Variants in GRIN2A observed in about 807,000 individuals in gnomAD.
The protein encoded by GRIN2A is glutamate receptor ionotropic, NMDA 2A.
In GRIN2A, 22 loss-of-function variants were observed where a neutral mutation model predicts 113.4. That is an observed-to-expected ratio of 0.19 (90% CI 0.14 to 0.28). GRIN2A has a LOEUF of 0.28. Among genes scored for constraint, GRIN2A ranks in the 10% least tolerant of loss-of-function variants. The probability of loss-of-function intolerance (pLI) is 1.00; values close to 1 mark genes in which losing one functional copy is unlikely to be tolerated. For missense variants in GRIN2A, 1,502 were observed against 1,887.0 expected, an observed-to-expected ratio of 0.80 and a Z score of 3.78; for synonymous variants, 827 against 738.4, an observed-to-expected ratio of 1.12 and a Z score of -1.94.
In GRIN2A at chr16:9,869,126, C is replaced by T. The variant is rs557915800; in HGVS notation, c.1123-19165G>A. On this transcript the variant is annotated intron_variant, in intron 4 of 12. Transcript: ENST00000330684. ...CCCAGGGCTGCTTACATAATAGATG[C>T]ACAAATACCTATGAAATGAACAAGT... 9.2e-5 allele frequency among the ~76,000 whole-genome samples: 14 copies of T among 152,214 alleles called. No homozygotes were observed. In the South Asian group the frequency reaches 2.9e-3, roughly 32 times the overall value.
chr16:9,824,257 C>G (rs571914111), intron 9 of GRIN2A, among the ~76,000 whole-genome samples: 1 of 152,188 alleles, frequency 6.6e-6, no homozygotes, highest in African/African-American at 2.4e-5. Context: ...TGTATGTGAA[C>G]AGCAAAATGC....
At chr16:10,127,514 C>A (rs967570970) in intron 2 of GRIN2A, among the ~76,000 whole-genome samples, 4 of 152,170 alleles carry the variant, frequency 2.6e-5, no homozygotes, top group Non-Finnish European at 2.9e-5. Context: ...AGCAACTGTG[C>A]CAGGCACCCT....
chr16:9,834,290 C>G (rs764086566), intron 7 of GRIN2A, 60 bp from the exon 8 acceptor site: 35 of 1,553,890 alleles, frequency 2.3e-5, no homozygotes, highest in Non-Finnish European at 2.9e-5. Flanking sequence ...TCACTTCCAG[C>G]AGGAAGCCCA....
In GRIN2A at chr16:9,811,534, G is replaced by A. The variant is rs535521965; in HGVS notation, c.2168+10730C>T. 4.6e-5 allele frequency among the ~76,000 whole-genome samples: 7 copies of A among 152,284 alleles called. No individual in the cohort carries two copies. In the South Asian group the frequency reaches 8.3e-4, roughly 18 times the overall value. On this transcript the variant is annotated intron_variant, in intron 10 of 12. Transcript: ENST00000330684. ...AACACTTTGGGAGGCCGAGACAGGC[G>A]GATCACTTGAGGTCAGGAGTTTGAG... is the stretch of plus-strand genomic sequence containing the variant.
At chr16:10,167,703 G>A (rs550827801) in intron 2 of GRIN2A, among the ~76,000 whole-genome samples, 15 of 152,152 alleles carry the variant, frequency 9.9e-5, no homozygotes, top group South Asian at 2.1e-4. Flanking sequence ...AGGTTTTTTC[G>A]CTCTGTACAT....
At chr16:9,840,830 AAAAG>A (rs369643465) in intron 6 of GRIN2A, 30 bp from the exon 7 acceptor site, 7,906 of 1,296,864 alleles carry the variant, frequency 6.1e-3, no homozygotes, top group African/African-American at 0.018. Flanking sequence ...AAAAAAAAAA[AAAAG>A]AGAGAGAGAG....
intron 2 of GRIN2A, among the ~76,000 whole-genome samples, chr16:10,083,755 T>C (rs949335176): frequency 1.3e-5 from 2 of 152,244 alleles, no homozygotes; most frequent in African/African-American, 4.8e-5. Context: ...AGTCCTTAGA[T>C]AGCCCCAGCA....
intron 2 of GRIN2A, among the ~76,000 whole-genome samples, chr16:10,068,369 T>A (rs1026692679): frequency 5.9e-5 from 9 of 152,236 alleles, no homozygotes; most frequent in Non-Finnish European, 1.2e-4. Context: ...GGTACTGGCA[T>A]CTGCCTGGCT....
At chr16:9,962,640 T>C (rs547259138) in intron 2 of GRIN2A, among the ~76,000 whole-genome samples, 1 of 152,176 alleles carries the variant, frequency 6.6e-6, no homozygotes, top group East Asian at 1.9e-4. Context: ...TGTGGAGAAA[T>C]AGGAACATTT....
chr16:9,886,116 C>T (rs527551988), intron 4 of GRIN2A, among the ~76,000 whole-genome samples: 80 of 152,168 alleles, frequency 5.3e-4, no homozygotes, highest in Admixed American at 2.0e-3. Flanking sequence ...AAGCCTGCTC[C>T]AGGACTGGTT....
At chr16:9,900,333 T>C (rs992576722) in intron 3 of GRIN2A, among the ~76,000 whole-genome samples, 1 of 152,202 alleles carries the variant, frequency 6.6e-6, no homozygotes, top group South Asian at 2.1e-4. Flanking sequence ...TACTGGTAGA[T>C]GAAGCTTCTA....
At chr16:10,176,244 A>T (rs2050146333) in intron 2 of GRIN2A, among the ~76,000 whole-genome samples, 2 of 152,022 alleles carry the variant, frequency 1.3e-5, no homozygotes, top group African/African-American at 4.8e-5. Flanking sequence ...ACCTCAGGTG[A>T]TCCACCCGCC....
intron 2 of GRIN2A, among the ~76,000 whole-genome samples, chr16:10,095,691 G>C (rs1314859687): frequency 1.3e-5 from 2 of 152,158 alleles, no homozygotes; most frequent in African/African-American, 2.4e-5. Context: ...CCCAGCATCA[G>C]AACTCCCTAC....
At chr16:10,131,973 A>G (rs2049073576) in intron 2 of GRIN2A, among the ~76,000 whole-genome samples, 1 of 152,080 alleles carries the variant, frequency 6.6e-6, no homozygotes, top group South Asian at 2.1e-4. Context: ...ATTCTCCTCT[A>G]AGCTCCATAT....
chr16:9,809,602 C>T (rs1041948643), intron 10 of GRIN2A, among the ~76,000 whole-genome samples: 12 of 151,292 alleles, frequency 7.9e-5, no homozygotes, highest in African/African-American at 2.9e-4. Flanking sequence ...AGCAATATAG[C>T]ATAATGGTTA....
rs1302051095 is a variant in GRIN2A at position 9,953,970 on chromosome 16, A to G, written c.415-15419T>C. On this transcript the variant is annotated intron_variant, in intron 2 of 12. Transcript: ENST00000330684. ...CATGCTTCTTCTCAAACACAACAGTATTTTAGAGGTATAGAGAAGAATTTC... is the reference window on the plus strand; with the variant it reads ...CATGCTTCTTCTCAAACACAACAGTGTTTTAGAGGTATAGAGAAGAATTTC... 2.0e-5 allele frequency among the ~76,000 whole-genome samples: 3 copies of G among 152,116 alleles called. No homozygotes were observed. In the South Asian group the frequency reaches 6.2e-4, roughly 32 times the overall value.
chr16:10,024,175 T>C (rs377449511), intron 2 of GRIN2A, among the ~76,000 whole-genome samples: 2 of 152,234 alleles, frequency 1.3e-5, no homozygotes, highest in African/African-American at 4.8e-5. Flanking sequence ...GATTTTTGGC[T>C]CATTGCAGAC....
chr16:9,885,426 C>T (rs988590855), intron 4 of GRIN2A, among the ~76,000 whole-genome samples: 2 of 152,066 alleles, frequency 1.3e-5, no homozygotes, highest in African/African-American at 2.4e-5. Context: ...ATGGAAGTCC[C>T]GATTTGTGAG....
intron 2 of GRIN2A, among the ~76,000 whole-genome samples, chr16:10,093,180 A>C (rs1248932955): frequency 6.6e-6 from 1 of 152,220 alleles, no homozygotes; most frequent in East Asian, 1.9e-4. Context: ...AGTGGGGCTC[A>C]GAGTCACAGT....
Sources: allele counts gnomAD v4.1 joint callset (sites outside exome capture counted in the v4.1 genomes callset), GRCh38; gene constraint gnomAD v4.1.1; transcripts MANE v1.5; gene names NCBI Gene and HGNC (gene_info 2026-07-23, HGNC 2026-07-21).